RFX7: variants seen among roughly 807,000 people sequenced by gnomAD.
RFX7 encodes the protein regulatory factor X7.
Under a neutral mutation model 111.8 loss-of-function variants are expected in RFX7, and 26 were observed. That is an observed-to-expected ratio of 0.23 (90% CI 0.17 to 0.32). RFX7 has a LOEUF of 0.32. RFX7 is among the 10% of genes least tolerant of loss of function. The probability of loss-of-function intolerance (pLI) is 1.00; values close to 1 mark genes in which losing one functional copy is unlikely to be tolerated. For synonymous variants in RFX7, 624 were observed against 624.4 expected, an observed-to-expected ratio of 1.00 and a Z score of 0.01; for missense variants, 1,573 against 1,772.9, an observed-to-expected ratio of 0.89 and a Z score of 2.02.
chr15:56,165,429 T>G (rs1355316449), intron 3 of RFX7, among the ~76,000 whole-genome samples: 1 of 152,190 alleles, frequency 6.6e-6, no homozygotes, highest in Non-Finnish European at 1.5e-5. Context: ...GAAGTGACAA[T>G]ACCCTTAATC....
intron 3 of RFX7, among the ~76,000 whole-genome samples, chr15:56,145,211 G>C (rs1471994919): frequency 2.6e-5 from 4 of 152,036 alleles, no homozygotes; most frequent in African/African-American, 9.7e-5. Context: ...TTGCCATAAT[G>C]GCTCCAAATG....
intron 5 of RFX7, among the ~76,000 whole-genome samples, chr15:56,119,040 GA>G (rs1243632002): frequency 1.3e-5 from 2 of 152,030 alleles, no homozygotes; most frequent in Non-Finnish European, 2.9e-5. Context: ...CAAATTATTA[GA>G]TTTTTTTTCT....
intron 2 of RFX7, among the ~76,000 whole-genome samples, chr15:56,235,819 C>G (rs1157021517): frequency 6.6e-6 from 1 of 152,176 alleles, no homozygotes; most frequent in African/African-American, 2.4e-5. Context: ...GTATCCTTTG[C>G]TATCTAAACC....
intron 8 of RFX7, 99 bp downstream of exon 8, chr15:56,101,260 A>G: frequency 9.9e-7 from 1 of 1,005,238 alleles, no homozygotes; most frequent in Non-Finnish European, 1.5e-6. Flanking sequence ...TGCAAGTACT[A>G]AAAGGATGAA....
chr15:56,098,029 C>T (rs1445806576), intron 9 of RFX7, 52 bp downstream of exon 9: 5 of 1,533,296 alleles, frequency 3.3e-6, no homozygotes, highest in African/African-American at 1.4e-5. Flanking sequence ...TTTAAGTAAA[C>T]AGTTGATTTC....
intron 2 of RFX7, among the ~76,000 whole-genome samples, chr15:56,190,700 A>ACAG (rs1187638899): frequency 5.9e-4 from 90 of 152,142 alleles, no homozygotes; most frequent in African/African-American, 2.1e-3. Context: ...ACTGAATCAG[A>ACAG]CAGCAGAAGC....
chr15:56,207,840 G>C (rs1251301152), intron 2 of RFX7, among the ~76,000 whole-genome samples: 1 of 152,184 alleles, frequency 6.6e-6, no homozygotes, highest in African/African-American at 2.4e-5. Context: ...AGAGTGGTAA[G>C]ATCAGGGGTC....
chr15:56,132,789 G>C (rs568538345), intron 5 of RFX7, among the ~76,000 whole-genome samples: 2 of 151,968 alleles, frequency 1.3e-5, no homozygotes, highest in Non-Finnish European at 2.9e-5. Flanking sequence ...TAAAAGGCTA[G>C]AACAAACATA....
chr15:56,090,755 T>C lies in RFX7; in HGVS notation c.*2590A>G, dbSNP rs2041586701. ...GTCATTTATCGTGTAGTAAAGCACA[T>C]TATAGTACAAGACTATTATATGAAC... On this transcript the variant is annotated 3_prime_UTR_variant, in exon 10 of 10. Transcript: ENST00000559447. 6.6e-6 allele frequency: 1 copy of C among 152,588 alleles called. No individual in the cohort carries two copies. The highest frequency in any genetic ancestry group is 1.5e-5 in the Non-Finnish European group (1 of 68,018). 9.5% of individuals were successfully genotyped at this position (152,588 alleles called of 1,614,324 possible). A position where few individuals can be genotyped will look rare whatever the true frequency, so the allele number is the denominator to read the frequency against.
intron 3 of RFX7, among the ~76,000 whole-genome samples, chr15:56,156,439 T>C (rs2042653851): frequency 6.6e-6 from 1 of 152,120 alleles, no homozygotes; most frequent in Admixed American, 6.5e-5. Flanking sequence ...AGAAATAGTA[T>C]TCTATGAAAC....
At chr15:56,183,306 A>T (rs889323785) in intron 2 of RFX7, among the ~76,000 whole-genome samples, 1 of 151,936 alleles carries the variant, frequency 6.6e-6, no homozygotes, top group Admixed American at 6.6e-5. Flanking sequence ...GATCTAGTCA[A>T]TTTTTTTCCT....
At chr15:56,115,526 GCAAAGACACA>G (rs2140951028) in intron 5 of RFX7, among the ~76,000 whole-genome samples, 1 of 152,268 alleles carries the variant, frequency 6.6e-6, no homozygotes, top group Non-Finnish European at 1.5e-5. Flanking sequence ...TATTTTTAAA[GCAAAGACACA>G]CACACACATA....
At chr15:56,225,970 G>C (rs1567052950) in intron 2 of RFX7, among the ~76,000 whole-genome samples, 1 of 151,996 alleles carries the variant, frequency 6.6e-6, no homozygotes, top group Non-Finnish European at 1.5e-5. Context: ...TTTATGATGG[G>C]AGAGGAAGTG....
intron 2 of RFX7, among the ~76,000 whole-genome samples, chr15:56,206,275 G>C (rs1443852389): frequency 6.6e-6 from 1 of 152,096 alleles, no homozygotes; most frequent in African/African-American, 2.4e-5. Flanking sequence ...AAAACATTGT[G>C]ATGCATGCTA....
At chr15:56,102,912 T>C (rs2041776230) in intron 6 of RFX7, among the ~76,000 whole-genome samples, 1 of 152,310 alleles carries the variant, frequency 6.6e-6, no homozygotes, top group South Asian at 2.1e-4. Flanking sequence ...TCTAATATGA[T>C]ACAGAGACCC....
intron 5 of RFX7, among the ~76,000 whole-genome samples, chr15:56,105,645 T>TC (rs1245435133): frequency 3.3e-5 from 5 of 152,156 alleles, no homozygotes; most frequent in African/African-American, 1.2e-4. Flanking sequence ...ATTTTTTTTT[T>TC]CATTAGTAAA....
At chr15:56,243,397 G>T in intron 1 of RFX7, 48 bp downstream of exon 1, 1 of 879,134 alleles carries the variant, frequency 1.1e-6, no homozygotes. Flanking sequence ...GAGGGGGAGG[G>T]GAAGAGGAGG....
Position 56,098,372 on chromosome 15 carries a change from C to G in RFX7, c.816G>C (p.Met272Ile). ...AAGCAGAAGGCTGGGTAATTCCTTT[C>G]ATTCCTGAAAATAAACAGAAAGGAA... ...LTVMAAAPAG[M>I]KGITQPSAFI... The change falls in exon 9 of 10, where the codon ATG (methionine) becomes ATC (isoleucine). Residue 272 changes from methionine (M) to isoleucine (I), a missense_variant. Physicochemically the swap from Met to Ile is conservative, Grantham distance 10. Transcript: ENST00000559447. The G allele has an allele frequency of 6.3e-7, 1 of 1,586,702 alleles. No homozygotes were observed. Among genetic ancestry groups the G allele is most frequent in the Non-Finnish European group, 8.6e-7 (1 of 1,165,734 alleles).
At chr15:56,148,734 A>T (rs560779286) in intron 3 of RFX7, among the ~76,000 whole-genome samples, 14 of 152,220 alleles carry the variant, frequency 9.2e-5, no homozygotes, top group Non-Finnish European at 1.8e-4. Context: ...TAGTCATGTG[A>T]TTATTATGAA....
Sources: gnomAD v4.1 joint callset for allele counts (sites outside exome capture counted in the v4.1 genomes callset) on GRCh38, gnomAD v4.1.1 for gene constraint, MANE v1.5 for transcripts, NCBI Gene and HGNC (gene_info 2026-07-23, HGNC 2026-07-21) for gene names.